Variants in RGS10 observed in about 807,000 individuals in gnomAD.
RGS10 encodes regulator of G-protein signalling 10.
RGS10 carries 11 observed loss-of-function variants against 23.5 expected under a neutral mutation model. The observed-to-expected ratio is 0.47, with a 90% confidence interval of 0.29 to 0.77. The LOEUF is 0.77. Ranked by LOEUF, RGS10 falls within the 30% of genes least tolerant of loss-of-function variation. The pLI is 0.08. For synonymous variants in RGS10, 77 were observed against 83.2 expected, an observed-to-expected ratio of 0.92 and a Z score of 0.41; for missense variants, 180 against 226.3, an observed-to-expected ratio of 0.80 and a Z score of 1.31.
intron 1 of RGS10, among the ~76,000 whole-genome samples, chr10:119,529,521 C>A (rs1239455321): frequency 3.3e-5 from 5 of 152,032 alleles, no homozygotes; most frequent in Admixed American, 6.6e-5. Context: ...GGATCTTGGG[C>A]AAAATTCTTG....
At chr10:119,508,835 T>G (rs12355718) in intron 4 of RGS10, among the ~76,000 whole-genome samples, 10,615 of 152,312 alleles carry the variant, frequency 0.07, 498 homozygotes, top group African/African-American at 0.12. Context: ...GGCTCACACC[T>G]GTAATCACAG....
chr10:119,530,464 G>A (rs1286816787), intron 1 of RGS10, among the ~76,000 whole-genome samples: 1 of 152,180 alleles, frequency 6.6e-6, no homozygotes, highest in Non-Finnish European at 1.5e-5. Flanking sequence ...TGAGACAGGA[G>A]GATGGCTTGA....
chr10:119,531,801 G>A (rs1844331679), intron 1 of RGS10, among the ~76,000 whole-genome samples: 2 of 152,128 alleles, frequency 1.3e-5, no homozygotes, highest in Admixed American at 6.5e-5. Context: ...CAGGGCTCCT[G>A]GGAACATAGT....
At chr10:119,500,625 G>A (rs374478837) in intron 4 of RGS10, among the ~76,000 whole-genome samples, 3 of 151,452 alleles carry the variant, frequency 2.0e-5, no homozygotes, top group African/African-American at 4.9e-5. Context: ...TGAGACAGCC[G>A]AATAGAAACC....
Position 119,509,124 on chromosome 10 carries a change from G to A in RGS10, c.399+6385C>T, listed in dbSNP as rs193031577. 2.2e-3 allele frequency among the ~76,000 whole-genome samples: 335 copies of A among 152,118 alleles called. 1 individual carries two copies. The highest frequency in any genetic ancestry group is 8.0e-3 in the African/African-American group (331 of 41,524). ...TAAAAAAAATTAAAATAGGCAGGGCGCAGTGGTTCATGCCTGTAATCCCAG... is the reference window on the plus strand; with the variant it reads ...TAAAAAAAATTAAAATAGGCAGGGCACAGTGGTTCATGCCTGTAATCCCAG... On this transcript the variant is annotated intron_variant, in intron 4 of 4. Coordinates refer to ENST00000369103, the MANE Select transcript of RGS10 (RefSeq NM_001005339.2).
chr10:119,537,906 T>TAATA (rs1844404073), intron 1 of RGS10, among the ~76,000 whole-genome samples: 1 of 152,166 alleles, frequency 6.6e-6, no homozygotes, highest in Non-Finnish European at 1.5e-5. Flanking sequence ...GAGTGTGGTG[T>TAATA]AATAGTCTTC....
intron 3 of RGS10, among the ~76,000 whole-genome samples, chr10:119,522,790 T>G (rs1030152085): frequency 6.6e-6 from 1 of 152,020 alleles, no homozygotes; most frequent in Admixed American, 6.6e-5. Context: ...CCACACTTTT[T>G]GTAGTAATTT....
chr10:119,528,140 C>G (rs1329610183), intron 1 of RGS10, among the ~76,000 whole-genome samples: 2 of 152,104 alleles, frequency 1.3e-5, no homozygotes, highest in Non-Finnish European at 2.9e-5. Context: ...AAGCGATTCT[C>G]CTGCCTCAGC....
At chr10:119,526,532 C>T (rs879227025) in intron 2 of RGS10, among the ~76,000 whole-genome samples, 3 of 152,186 alleles carry the variant, frequency 2.0e-5, no homozygotes, top group Non-Finnish European at 1.5e-5. Context: ...ATGATACAAA[C>T]TATTTTAAGT....
intron 1 of RGS10, among the ~76,000 whole-genome samples, chr10:119,536,308 G>A (rs548751245): frequency 9.1e-4 from 138 of 152,270 alleles, no homozygotes; most frequent in African/African-American, 3.0e-3. Flanking sequence ...ACGAGGGTTC[G>A]GGACTCACAG....
At chr10:119,526,910 A>G (rs1020737823) in intron 2 of RGS10, among the ~76,000 whole-genome samples, 17 of 151,994 alleles carry the variant, frequency 1.1e-4, no homozygotes, top group African/African-American at 3.9e-4. Flanking sequence ...CCAAGTTCTC[A>G]TTGCCAGCCT....
intron 3 of RGS10, among the ~76,000 whole-genome samples, chr10:119,516,926 G>C (rs1404501844): frequency 6.6e-6 from 1 of 152,212 alleles, no homozygotes; most frequent in Non-Finnish European, 1.5e-5. Flanking sequence ...CTGAACGTTA[G>C]AGTCTAAAGC....
At chr10:119,507,674 T>G (rs1844031245) in intron 4 of RGS10, among the ~76,000 whole-genome samples, 1 of 145,426 alleles carries the variant, frequency 6.9e-6, no homozygotes, top group Non-Finnish European at 1.5e-5. Context: ...AACCTCTCCC[T>G]TCCAGGTTCA....
chr10:119,520,027 C>T (rs1361266691), intron 3 of RGS10, among the ~76,000 whole-genome samples: 2 of 152,198 alleles, frequency 1.3e-5, no homozygotes, highest in Admixed American at 1.3e-4. Context: ...AGCCCCTACT[C>T]TGGGAAGCTG....
intron 3 of RGS10, among the ~76,000 whole-genome samples, chr10:119,518,371 C>A (rs903531686): frequency 2.6e-5 from 4 of 152,204 alleles, no homozygotes; most frequent in Non-Finnish European, 5.9e-5. Context: ...AGCACCTGCA[C>A]CCCAGTGAGC....
intron 4 of RGS10, among the ~76,000 whole-genome samples, chr10:119,506,524 G>A (rs200508561): frequency 1.3e-5 from 2 of 152,228 alleles, no homozygotes; most frequent in African/African-American, 2.4e-5. Flanking sequence ...GCGGTCACAC[G>A]TGTGGAGCGG....
Position 119,527,448 on chromosome 10 carries a change from A to G in RGS10, c.50-24T>C. The G allele has an allele frequency of 6.4e-7, 1 of 1,556,502 alleles. No homozygotes were observed. The highest frequency in any genetic ancestry group is 8.9e-7 in the Non-Finnish European group (1 of 1,127,632). On this transcript the variant is annotated intron_variant, in intron 1 of 4. Transcript: ENST00000369103. The surrounding 1 kb of genome is among the most constrained non-coding windows in gnomAD (Gnocchi z 4.2). ...GTCTGCAAAGCAAAGTTCAGACTGCATATGTGGCCAACAGACACTGTCATT... is the reference window on the plus strand; with the variant it reads ...GTCTGCAAAGCAAAGTTCAGACTGCGTATGTGGCCAACAGACACTGTCATT...
At chr10:119,516,844 C>T (rs1483057972) in intron 3 of RGS10, among the ~76,000 whole-genome samples, 1 of 152,218 alleles carries the variant, frequency 6.6e-6, no homozygotes, top group Admixed American at 6.5e-5. Context: ...CCCCTGAGGG[C>T]TCGATTTTCT....
chr10:119,526,128 C>A lies in RGS10; in HGVS notation c.169-10G>T. On this transcript the variant is annotated splice_polypyrimidine_tract_variant and intron_variant, in intron 2 of 4. Transcript: ENST00000369103. The stretch of plus-strand genomic sequence containing the variant: ...CCTTTTTTAAAAATTCCTGTGGATA[C>A]AAAGAAAAAGAGTCACACAGTATTC... The A allele has an allele frequency of 2.1e-6, 3 of 1,399,328 alleles. No individual in the cohort carries two copies. The highest frequency in any genetic ancestry group is 3.0e-6 in the Non-Finnish European group (3 of 1,010,856). The allele number at this position is 1,399,328 out of a possible 1,614,324, so 86.7% of individuals were successfully genotyped here. A position where few individuals can be genotyped will look rare whatever the true frequency, so the allele number is the denominator to read the frequency against.
Sources: allele counts gnomAD v4.1 joint callset (sites outside exome capture counted in the v4.1 genomes callset), GRCh38; gene constraint gnomAD v4.1.1; non-coding constraint Gnocchi (gnomAD v3.1); transcripts MANE v1.5; gene names NCBI Gene and HGNC (gene_info 2026-07-23, HGNC 2026-07-21).